The following MTAP variants were observed in gnomAD, a reference collection of about 807,000 sequenced individuals.
MTAP encodes the protein S-methyl-5'-thioadenosine phosphorylase.
Under a neutral mutation model 33.6 loss-of-function variants are expected in MTAP, and 33 were observed. The observed-to-expected ratio is 0.98, with a 90% CI of 0.74 to 1.31. MTAP has a LOEUF of 1.31. Among genes scored for constraint, MTAP ranks in the 40% most tolerant of loss-of-function variants. The pLI, the probability that MTAP is intolerant of heterozygous loss-of-function variation, is 0.00. For synonymous variants in MTAP, 148 were observed against 125.7 expected, an observed-to-expected ratio of 1.18 and a Z score of -1.19; for missense variants, 367 against 360.0, an observed-to-expected ratio of 1.02 and a Z score of -0.16.
intron 5 of MTAP, among the ~76,000 whole-genome samples, chr9:21,846,351 C>T (rs942502933): frequency 4.6e-5 from 7 of 151,554 alleles, no homozygotes; most frequent in East Asian, 1.9e-4. Context: ...AGAAAATATT[C>T]GCAAACTATG....
intron 1 of MTAP, among the ~76,000 whole-genome samples, chr9:21,805,946 CAAGATGTCGCAG>C (rs1045424146): frequency 1.3e-5 from 2 of 152,088 alleles, no homozygotes; most frequent in Non-Finnish European, 2.9e-5. Flanking sequence ...GAGCGAAAAC[CAAGATGTCGCAG>C]AAGTGAGCTC....
chr9:21,843,956 T>C (rs1349682284), intron 5 of MTAP, among the ~76,000 whole-genome samples: 1 of 151,730 alleles, frequency 6.6e-6, no homozygotes, highest in Non-Finnish European at 1.5e-5. Context: ...GAAACAAAAA[T>C]ATTTGAAAAT....
intron 4 of MTAP, among the ~76,000 whole-genome samples, chr9:21,828,806 G>A (rs1047973062): frequency 2.6e-5 from 4 of 152,170 alleles, no homozygotes; most frequent in African/African-American, 9.7e-5. Context: ...AATTTTACCT[G>A]TTTCTCTTTT....
chr9:21,881,778 G>C (rs1360211523), intron 1 of MTAP, among the ~76,000 whole-genome samples: 1 of 151,946 alleles, frequency 6.6e-6, no homozygotes, highest in Admixed American at 6.6e-5. Context: ...CTTTTATTGG[G>C]AATATAATAT....
intron 1 of MTAP, among the ~76,000 whole-genome samples, chr9:21,897,122 A>G (rs776472828): frequency 1.3e-5 from 2 of 152,218 alleles, no homozygotes; most frequent in Non-Finnish European, 2.9e-5. Flanking sequence ...AGAACCAAAG[A>G]CAAAAACTAC....
At chr9:21,820,717 C>G (rs185023839) in intron 4 of MTAP, among the ~76,000 whole-genome samples, 74 of 151,674 alleles carry the variant, frequency 4.9e-4, no homozygotes, top group African/African-American at 1.6e-3. Flanking sequence ...TATAAATTAC[C>G]TATGGCCATT....
chr9:21,864,889 A>T lies in MTAP; in HGVS notation c.*2875A>T. On this transcript the variant is annotated 3_prime_UTR_variant, in exon 8 of 8. Transcript: ENST00000644715. ...TCAGGGCATGGTTGTGGCCCCACCA[A>T]CACCTATTTTCCAAATAATTATTCA... The T allele has an allele frequency of 2.0e-6, 2 of 985,468 alleles. No homozygotes were observed. The highest frequency in any genetic ancestry group is 1.2e-6 in the Non-Finnish European group (1 of 829,942). 61.0% of individuals were successfully genotyped at this position (985,468 alleles called of 1,614,324 possible). A position where few individuals can be genotyped will look rare whatever the true frequency, so the allele number is the denominator to read the frequency against.
intron 1 of MTAP, among the ~76,000 whole-genome samples, chr9:21,926,796 A>G (rs973156286): frequency 3.9e-5 from 6 of 152,230 alleles, no homozygotes; most frequent in South Asian, 2.1e-4. Flanking sequence ...AGAGGGTACA[A>G]GATGTCTAAG....
At chr9:21,806,680 G>A (rs1824217180) in intron 1 of MTAP, among the ~76,000 whole-genome samples, 1 of 152,114 alleles carries the variant, frequency 6.6e-6, no homozygotes. Context: ...AGAGGCTATG[G>A]GATTAACACT....
rs1311994435 is a variant in MTAP at position 21,922,155 on chromosome 9, G to A, written c.148-8853G>A. 6.6e-6 allele frequency among the ~76,000 whole-genome samples: 1 copy of A among 151,950 alleles called. No homozygotes were observed. Among genetic ancestry groups the A allele is most frequent in the Non-Finnish European group, 1.5e-5 (1 of 68,000 alleles). On this transcript the variant is annotated intron_variant, in intron 1 of 1. Coordinates refer to the MTAP transcript ENST00000577563. This position sits in a 1 kb window ranked among gnomAD's most constrained non-coding sequence, Gnocchi z 4.8. ...GAGGCAAAATGGCAGAGTTTAACTG[G>A]TGTATGACCAGTTCCTCTAGGAACA...
chr9:21,898,437 G>C (rs1242141194), intron 1 of MTAP, among the ~76,000 whole-genome samples: 2 of 152,170 alleles, frequency 1.3e-5, no homozygotes. Flanking sequence ...CTATCAGAGT[G>C]AACAGGCAAT....
chr9:21,881,457 A>C lies in MTAP; in HGVS notation c.147+26587A>C, dbSNP rs557718455. 1.1e-4 allele frequency among the ~76,000 whole-genome samples: 16 copies of C among 152,208 alleles called. No homozygotes were observed. In the East Asian group the frequency reaches 3.1e-3, roughly 29 times the overall value. On this transcript the variant is annotated intron_variant, in intron 1 of 1. Transcript: ENST00000577563. ...CTTCTGTGCATCAAAGGACACAATC[A>C]ACATTGTAAAAGAGCAGCACTTGCA...
At chr9:21,845,396 A>G (rs1825355679) in intron 5 of MTAP, among the ~76,000 whole-genome samples, 1 of 152,198 alleles carries the variant, frequency 6.6e-6, no homozygotes, top group Non-Finnish European at 1.5e-5. Flanking sequence ...CCAAGCTGAG[A>G]ATCAAATCAA....
At chr9:21,878,247 T>C (rs1276197874) in intron 1 of MTAP, among the ~76,000 whole-genome samples, 1 of 152,102 alleles carries the variant, frequency 6.6e-6, no homozygotes, top group Non-Finnish European at 1.5e-5. Context: ...ATTCTCTGTT[T>C]TTCTTTATTG....
chr9:21,939,629 C>G (rs891683659), downstream of MTAP, among the ~76,000 whole-genome samples: 2 of 151,922 alleles, frequency 1.3e-5, no homozygotes, highest in Non-Finnish European at 2.9e-5. Flanking sequence ...TTTGGGAGGC[C>G]AAGGAGGGCT....
At chr9:21,894,762 A>T (rs922941222) in intron 1 of MTAP, among the ~76,000 whole-genome samples, 3 of 151,878 alleles carry the variant, frequency 2.0e-5, no homozygotes, top group Non-Finnish European at 4.4e-5. Flanking sequence ...ATATATATAT[A>T]TAAAAGAAAA....
chr9:21,816,806 T>G (rs1330723556), intron 3 of MTAP, 34 bp downstream of exon 3: 7 of 1,541,986 alleles, frequency 4.5e-6, no homozygotes, highest in Non-Finnish European at 6.2e-6. Context: ...ATGTTACTAC[T>G]AAAGGATAAT....
At chr9:21,898,634 G>C (rs962776277) in intron 1 of MTAP, among the ~76,000 whole-genome samples, 1 of 152,184 alleles carries the variant, frequency 6.6e-6, no homozygotes, top group Non-Finnish European at 1.5e-5. Flanking sequence ...ATGAAAAAAT[G>C]TTCATCATCA....
chr9:21,897,212 G>A (rs1818310617), intron 1 of MTAP, among the ~76,000 whole-genome samples: 1 of 152,278 alleles, frequency 6.6e-6, no homozygotes, highest in South Asian at 2.1e-4. Context: ...CATAAGCTAG[G>A]TATTGATGGG....
Sources: gnomAD v4.1 joint callset for allele counts (sites outside exome capture counted in the v4.1 genomes callset) on GRCh38, gnomAD v4.1.1 for gene constraint, Gnocchi (gnomAD v3.1) non-coding constraint, MANE v1.5 for transcripts, NCBI Gene and HGNC (gene_info 2026-07-23, HGNC 2026-07-21) for gene names.